The following ATP8A2 variants were observed in gnomAD, a reference collection of about 807,000 sequenced individuals.
ATP8A2 encodes the protein phospholipid-transporting ATPase IB.
ATP8A2 carries 100 observed loss-of-function variants against 165.6 expected under a neutral mutation model. The ratio of observed to expected loss-of-function variants is 0.60; its 90% CI spans 0.51 to 0.71. The LOEUF is 0.71. ATP8A2 is among the 30% of genes least tolerant of loss of function. The pLI, the probability that ATP8A2 is intolerant of heterozygous loss-of-function variation, is 0.00. For synonymous variants in ATP8A2, 543 were observed against 548.8 expected (o/e 0.99, Z 0.15); for missense variants, 1,227 against 1,479.5 (o/e 0.83, Z 2.80).
intron 2 of ATP8A2, among the ~76,000 whole-genome samples, chr13:25,514,526 G>C (rs765621850): frequency 3.3e-5 from 5 of 152,180 alleles, no homozygotes; most frequent in African/African-American, 4.8e-5. Flanking sequence ...GGTTTGTGTG[G>C]GTGCCCTGGG....
intron 35 of ATP8A2, among the ~76,000 whole-genome samples, chr13:25,991,736 C>G (rs1423336883): frequency 6.6e-6 from 1 of 152,166 alleles, no homozygotes; most frequent in Non-Finnish European, 1.5e-5. Context: ...GTTGCTTGAC[C>G]ATTCATCCGT....
intron 33 of ATP8A2, among the ~76,000 whole-genome samples, chr13:25,939,254 G>A (rs1051316989): frequency 2.0e-5 from 3 of 152,128 alleles, no homozygotes; most frequent in African/African-American, 7.2e-5. Context: ...ATACCCCTTT[G>A]TCTTGGAGGG....
At chr13:25,815,244 T>G (rs1950982607) in intron 27 of ATP8A2, among the ~76,000 whole-genome samples, 1 of 152,162 alleles carries the variant, frequency 6.6e-6, no homozygotes, top group African/African-American at 2.4e-5. Flanking sequence ...AAAGATTCTA[T>G]CAACAGAGTG....
intron 28 of ATP8A2, 66 bp downstream of exon 28, chr13:25,828,258 G>T (rs747024471): frequency 6.3e-6 from 8 of 1,273,538 alleles, no homozygotes; most frequent in African/African-American, 2.9e-5. Context: ...TTCCTTCACT[G>T]TTTATGTCTG....
At chr13:25,394,694 A>G (rs1047208831) in intron 1 of ATP8A2, among the ~76,000 whole-genome samples, 2 of 152,188 alleles carry the variant, frequency 1.3e-5, no homozygotes, top group Non-Finnish European at 2.9e-5. Context: ...ATTAAGAAAC[A>G]TCAGATGCAG....
chr13:26,019,845 A>G (rs1957057286), intron 36 of ATP8A2, 43 bp from the exon 37 acceptor site: 2 of 1,440,924 alleles, frequency 1.4e-6, no homozygotes, highest in South Asian at 1.1e-5. Context: ...GTGCTCCCCC[A>G]ATTCTCCTGT....
intron 24 of ATP8A2, among the ~76,000 whole-genome samples, chr13:25,590,987 G>A (rs1324837066): frequency 3.3e-5 from 5 of 152,060 alleles, no homozygotes; most frequent in East Asian, 1.9e-4. Context: ...CCTGCAGGCA[G>A]CCCAGAGTCC....
At chr13:25,403,454 C>T (rs955177484) in intron 1 of ATP8A2, among the ~76,000 whole-genome samples, 1 of 152,154 alleles carries the variant, frequency 6.6e-6, no homozygotes, top group South Asian at 2.1e-4. Flanking sequence ...TTGGAAAGTA[C>T]AGCAATGTAC....
At chr13:25,973,630 A>G (rs969998537) in intron 35 of ATP8A2, among the ~76,000 whole-genome samples, 7 of 152,240 alleles carry the variant, frequency 4.6e-5, no homozygotes, top group African/African-American at 1.7e-4. Flanking sequence ...ACTCAACTCA[A>G]AAATACCTGT....
At chr13:25,757,346 C>G (rs541042468) in intron 25 of ATP8A2, among the ~76,000 whole-genome samples, 12 of 152,312 alleles carry the variant, frequency 7.9e-5, no homozygotes, top group African/African-American at 2.6e-4. Context: ...GCCCCAAGAC[C>G]TAGCATGCAC....
At chr13:25,802,088 C>T (rs1950633750) in intron 27 of ATP8A2, among the ~76,000 whole-genome samples, 1 of 152,162 alleles carries the variant, frequency 6.6e-6, no homozygotes, top group Admixed American at 6.5e-5. Flanking sequence ...CACAGCCAAA[C>T]CATATCACAT....
intron 2 of ATP8A2, among the ~76,000 whole-genome samples, chr13:25,494,075 G>A (rs2036602201): frequency 1.3e-5 from 2 of 152,160 alleles, no homozygotes; most frequent in Non-Finnish European, 2.9e-5. Context: ...GCTGGGGTAG[G>A]GCGGAGAGTT....
At chr13:25,630,676 T>C (rs1400793108) in intron 24 of ATP8A2, among the ~76,000 whole-genome samples, 1 of 152,196 alleles carries the variant, frequency 6.6e-6, no homozygotes, top group East Asian at 1.9e-4. Flanking sequence ...ACAGCCCTTA[T>C]GTTGATACAT....
intron 16 of ATP8A2, chr13:25,567,197 T>G: frequency 2.6e-6 from 1 of 382,916 alleles, no homozygotes; most frequent in Non-Finnish European, 5.2e-6. Context: ...GACTGGTGTT[T>G]TGGGTCCCTG....
chr13:25,661,374 G>A (rs1353092089), intron 24 of ATP8A2, among the ~76,000 whole-genome samples: 2 of 152,120 alleles, frequency 1.3e-5, no homozygotes, highest in African/African-American at 2.4e-5. Context: ...TACCTTTATT[G>A]ATTCCGCTGA....
chr13:25,921,350 G>A (rs1954448371), intron 33 of ATP8A2, among the ~76,000 whole-genome samples: 1 of 151,876 alleles, frequency 6.6e-6, no homozygotes, highest in African/African-American at 2.4e-5. Flanking sequence ...AGGCACGGTG[G>A]CTCACACCTG....
At chr13:25,731,793 A>T (rs1342725847) in intron 25 of ATP8A2, among the ~76,000 whole-genome samples, 2 of 152,242 alleles carry the variant, frequency 1.3e-5, no homozygotes, top group East Asian at 3.8e-4. Flanking sequence ...GTCACTTAGA[A>T]CTAGGAAAAT....
At chr13:25,438,228 A>G (rs891639093) in intron 1 of ATP8A2, among the ~76,000 whole-genome samples, 7 of 152,184 alleles carry the variant, frequency 4.6e-5, no homozygotes, top group Non-Finnish European at 8.8e-5. Flanking sequence ...GCCTACCTCT[A>G]AAAACCGCCT....
intron 24 of ATP8A2, among the ~76,000 whole-genome samples, chr13:25,620,854 A>T (rs2040949932): frequency 6.6e-6 from 1 of 152,224 alleles, no homozygotes; most frequent in Non-Finnish European, 1.5e-5. Flanking sequence ...AGATCAATGA[A>T]CTAATGGTGA....
Sources: gnomAD v4.1 joint callset for allele counts (sites outside exome capture counted in the v4.1 genomes callset) on GRCh38, gnomAD v4.1.1 for gene constraint, MANE v1.5 for transcripts, NCBI Gene and HGNC (gene_info 2026-07-23, HGNC 2026-07-21) for gene names.